Variants in ZNF503 observed in about 807,000 individuals in gnomAD.
ZNF503 encodes the protein zinc finger protein 503, also known as NocA-like zinc finger 2.
A neutral mutation model predicts 34.4 loss-of-function variants in ZNF503; 15 were observed. The ratio of observed to expected loss-of-function variants is 0.44; its 90% CI spans 0.29 to 0.67. The LOEUF (loss-of-function observed/expected upper bound fraction) is 0.67, where lower values mean the gene tolerates loss of function less well. Ranked by LOEUF, ZNF503 falls within the 30% of genes least tolerant of loss-of-function variation. The pLI, the probability that ZNF503 is intolerant of heterozygous loss-of-function variation, is 0.13. For synonymous variants in ZNF503, 580 were observed against 456.8 expected, an observed-to-expected ratio of 1.27 and a Z score of -3.44; for missense variants, 1,007 against 926.8, an observed-to-expected ratio of 1.09 and a Z score of -1.12.
At chr10:75,293,621 C>G in the ZNF503 span, among the ~76,000 whole-genome samples, 28 of 151,956 alleles carry the variant, frequency 1.8e-4, no homozygotes, top group African/African-American at 6.8e-4. Flanking sequence ...GTGCCCCCCC[C>G]GTCCACTCAC....
At chr10:75,350,894 G>C in the ZNF503 span, among the ~76,000 whole-genome samples, 3 of 152,078 alleles carry the variant, frequency 2.0e-5, no homozygotes, top group Non-Finnish European at 4.4e-5. Flanking sequence ...CACACGTAAG[G>C]TGTCTTTTTT....
At chr10:75,340,327 G>A in the ZNF503 span, among the ~76,000 whole-genome samples, 1 of 152,174 alleles carries the variant, frequency 6.6e-6, no homozygotes, top group Non-Finnish European at 1.5e-5. Context: ...GTGTAAATTT[G>A]TCTGGTCTTT....
At chr10:75,379,938 AG>A in the ZNF503 span, among the ~76,000 whole-genome samples, 219 of 151,968 alleles carry the variant, frequency 1.4e-3, no homozygotes, top group African/African-American at 2.7e-3. Context: ...GCGGGGTGGG[AG>A]GGGGTGCACG....
the ZNF503 span, among the ~76,000 whole-genome samples, chr10:75,389,527 C>T: frequency 7.9e-5 from 12 of 152,216 alleles, no homozygotes; most frequent in Middle Eastern, 3.4e-3. Flanking sequence ...ATCAGGAGTT[C>T]GAGACCAGCT....
rs1162554254 is a variant in ZNF503, at chr10:75,399,851, G to A, written c.839C>T (p.Ala280Val). 1.2e-6 allele frequency: 2 copies of A among 1,603,356 alleles called. No individual in the cohort carries two copies. The highest frequency in any genetic ancestry group is 1.3e-5 in the African/African-American group (1 of 74,666). The part of the protein sequence containing the change: ...ASAEGGPTGL[A>V]HGRISCGGGI... ...GCCGCCGCAGCTAATCCGGCCGTGT[G>A]CCAGCCCCGTGGGTCCCCCTTCGGC... The change falls in exon 2 of 2, where the codon GCA becomes GTA. Residue 280 changes from alanine to valine, a missense_variant. Coordinates refer to ENST00000372524, the MANE Select transcript of ZNF503 (RefSeq NM_032772.6).
chr10:75,349,934 C>CA, the ZNF503 span, among the ~76,000 whole-genome samples: 1 of 152,214 alleles, frequency 6.6e-6, no homozygotes, highest in African/African-American at 2.4e-5. Flanking sequence ...GCCCTGCTGC[C>CA]AACCCACTGA....
chr10:75,356,786 C>G, the ZNF503 span, among the ~76,000 whole-genome samples: 1 of 152,166 alleles, frequency 6.6e-6, no homozygotes, highest in African/African-American at 2.4e-5. Context: ...GCTTAATTCT[C>G]TCCAGCCTCC....
the ZNF503 span, among the ~76,000 whole-genome samples, chr10:75,357,010 T>C: frequency 6.6e-6 from 1 of 152,140 alleles, no homozygotes; most frequent in Non-Finnish European, 1.5e-5. Context: ...GGTTCCTCAA[T>C]TGGAAATAGA....
chr10:75,293,582 A>G, the ZNF503 span, among the ~76,000 whole-genome samples: 1 of 146,970 alleles, frequency 6.8e-6, no homozygotes, highest in African/African-American at 2.6e-5. Context: ...TTGACTTCTC[A>G]TAACACCCTC....
downstream of ZNF503, among the ~76,000 whole-genome samples, chr10:75,397,674 T>C (rs1409822329): frequency 6.6e-6 from 1 of 152,226 alleles, no homozygotes; most frequent in Non-Finnish European, 1.5e-5. Context: ...TCGCGGCTGG[T>C]AGCCCCTTCC....
chr10:75,353,154 G>A, the ZNF503 span, among the ~76,000 whole-genome samples: 137 of 152,324 alleles, frequency 9.0e-4, 3 homozygotes, highest in South Asian at 0.025. Context: ...CACATTATAC[G>A]TACAGATTTG....
the ZNF503 span, among the ~76,000 whole-genome samples, chr10:75,352,276 C>G: frequency 6.6e-6 from 1 of 152,218 alleles, no homozygotes; most frequent in African/African-American, 2.4e-5. Flanking sequence ...AGAGGCAAGG[C>G]CCTGCCCTCG....
the ZNF503 span, among the ~76,000 whole-genome samples, chr10:75,349,359 T>C: frequency 4.6e-5 from 7 of 152,224 alleles, no homozygotes; most frequent in Admixed American, 2.6e-4. Flanking sequence ...TTGGGGAATG[T>C]CTTTGAGTTT....
the ZNF503 span, among the ~76,000 whole-genome samples, chr10:75,389,903 T>C: frequency 2.0e-5 from 3 of 152,166 alleles, no homozygotes; most frequent in Non-Finnish European, 4.4e-5. Context: ...TTTTTATTTT[T>C]ATTTTTTGAG....
the ZNF503 span, among the ~76,000 whole-genome samples, chr10:75,310,894 T>G: frequency 6.6e-6 from 1 of 152,168 alleles, no homozygotes; most frequent in Non-Finnish European, 1.5e-5. Flanking sequence ...TCCCATAGTC[T>G]CATAACATAA....
the ZNF503 span, among the ~76,000 whole-genome samples, chr10:75,373,888 T>C: frequency 2.6e-5 from 4 of 152,160 alleles, no homozygotes; most frequent in African/African-American, 9.7e-5. Flanking sequence ...CCACCCTCTT[T>C]CCACACATCA....
the ZNF503 span, among the ~76,000 whole-genome samples, chr10:75,303,831 C>CTTTTT: frequency 4.0e-5 from 5 of 124,480 alleles, no homozygotes; most frequent in Non-Finnish European, 8.3e-5. Context: ...GTGGCTAAAT[C>CTTTTT]TTTTTTTTTT....
the ZNF503 span, among the ~76,000 whole-genome samples, chr10:75,353,861 A>G: frequency 6.6e-6 from 1 of 152,208 alleles, no homozygotes; most frequent in Non-Finnish European, 1.5e-5. Context: ...TCAGTGGAGA[A>G]TAAATAAGCA....
the ZNF503 span, among the ~76,000 whole-genome samples, chr10:75,383,785 C>T: frequency 6.6e-6 from 1 of 152,352 alleles, no homozygotes; most frequent in East Asian, 1.9e-4. Context: ...TGGGGATAAA[C>T]AGACACCAGG....
Sources: gnomAD v4.1 joint callset for allele counts (sites outside exome capture counted in the v4.1 genomes callset) on GRCh38, gnomAD v4.1.1 for gene constraint, MANE v1.5 for transcripts, NCBI Gene and HGNC (gene_info 2026-07-23, HGNC 2026-07-21) for gene names.